Variants in KCTD16 observed in about 807,000 individuals in gnomAD.
KCTD16 encodes the protein potassium channel tetramerization domain containing 16.
KCTD16 carries 13 observed loss-of-function variants against 33.2 expected under a neutral mutation model. That is an observed-to-expected ratio of 0.39 (90% CI 0.25 to 0.62). The LOEUF (loss-of-function observed/expected upper bound fraction) is 0.62. Ranked by LOEUF, KCTD16 falls within the 20% of genes least tolerant of loss-of-function variation. The pLI is 0.50. For synonymous variants in KCTD16, 197 were observed against 195.3 expected (o/e 1.01, Z -0.07); for missense variants, 441 against 525.1 (o/e 0.84, Z 1.57).
intron 2 of KCTD16, among the ~76,000 whole-genome samples, chr5:144,205,093 G>C (rs1293552706): frequency 2.0e-5 from 3 of 152,154 alleles, no homozygotes; most frequent in African/African-American, 7.2e-5. Flanking sequence ...GATTTGCTGT[G>C]GGATGGTGAT....
chr5:144,484,478 C>G lies in KCTD16; in HGVS notation c.*10364C>G, dbSNP rs989898528. On this transcript the variant is annotated 3_prime_UTR_variant, in exon 4 of 4. Coordinates refer to ENST00000512467, the MANE Select transcript of KCTD16 (RefSeq NM_020768.4). ...AGAGCACTGGGTCGAACCTAACCCA[C>G]AAAATAATTCGTCCAAATTAAATTG... 1 of 151,926 alleles carries G rather than the reference C, an allele frequency of 6.6e-6. No homozygotes were observed. Among genetic ancestry groups the G allele is most frequent in the Non-Finnish European group, 1.5e-5 (1 of 67,920 alleles). 9.4% of individuals were successfully genotyped at this position (151,926 alleles called of 1,614,324 possible).
chr5:144,192,598 T>C (rs1247065997), intron 2 of KCTD16, among the ~76,000 whole-genome samples: 4 of 152,242 alleles, frequency 2.6e-5, no homozygotes, highest in African/African-American at 9.6e-5. Flanking sequence ...CCTTGGAAGT[T>C]AAAGCAAGCC....
At chr5:144,313,110 T>C (rs1227706866) in intron 3 of KCTD16, among the ~76,000 whole-genome samples, 1 of 152,184 alleles carries the variant, frequency 6.6e-6, no homozygotes, top group Non-Finnish European at 1.5e-5. Flanking sequence ...TTTTAGGATA[T>C]GGAGAAAGGT....
At chr5:144,340,582 C>G (rs1044996079) in intron 3 of KCTD16, among the ~76,000 whole-genome samples, 2 of 151,798 alleles carry the variant, frequency 1.3e-5, no homozygotes, top group Non-Finnish European at 1.5e-5. Context: ...AGTCTTAACC[C>G]CTAATATGAT....
chr5:144,185,475 A>G (rs1349627640), intron 2 of KCTD16, among the ~76,000 whole-genome samples: 1 of 152,158 alleles, frequency 6.6e-6, no homozygotes, highest in African/African-American at 2.4e-5. Flanking sequence ...AATGTTCCCA[A>G]ATCACATCTT....
In KCTD16 at chr5:144,417,803, C is replaced by T. The variant is rs1753102949; in HGVS notation, c.833-55857C>T. 2.0e-5 allele frequency among the ~76,000 whole-genome samples: 3 copies of T among 152,046 alleles called. No individual in the cohort carries two copies. In the South Asian group the frequency reaches 6.2e-4, roughly 32 times the overall value. ...TGTAAAGTAGGGCTCCAACTTCGTT[C>T]TTCTGCATATGGATATGCAGTTATT... On this transcript the variant is annotated intron_variant, in intron 3 of 3. Coordinates refer to ENST00000512467, the MANE Select transcript of KCTD16 (RefSeq NM_020768.4).
chr5:144,234,078 T>C (rs1313904758), intron 3 of KCTD16, among the ~76,000 whole-genome samples: 2 of 152,158 alleles, frequency 1.3e-5, no homozygotes, highest in Non-Finnish European at 2.9e-5. Flanking sequence ...TACTGTACTT[T>C]GGTTTTGTAC....
intron 3 of KCTD16, among the ~76,000 whole-genome samples, chr5:144,384,519 TC>T (rs1230458228): frequency 6.6e-6 from 1 of 152,228 alleles, no homozygotes; most frequent in Non-Finnish European, 1.5e-5. Flanking sequence ...ATTTATTTTT[TC>T]ATTATAGCGA....
At chr5:144,233,073 AT>A (rs1041799808) in intron 3 of KCTD16, among the ~76,000 whole-genome samples, 4 of 151,390 alleles carry the variant, frequency 2.6e-5, no homozygotes, top group South Asian at 4.2e-4. Flanking sequence ...AAAACATGGA[AT>A]TTTTTTTTCA....
chr5:144,304,529 G>A (rs528317818), intron 3 of KCTD16, among the ~76,000 whole-genome samples: 5 of 152,170 alleles, frequency 3.3e-5, no homozygotes, highest in African/African-American at 7.2e-5. Flanking sequence ...GCTTAATTAC[G>A]CTTCACAGAC....
chr5:144,483,974 C>T lies in KCTD16; in HGVS notation c.*9860C>T, dbSNP rs973067624. The T allele has an allele frequency of 3.3e-5, 5 of 151,846 alleles. No homozygotes were observed. The highest frequency in any genetic ancestry group is 1.9e-4 in the East Asian group (1 of 5,146). 9.4% of individuals were successfully genotyped at this position (151,846 alleles called of 1,614,324 possible). A position where few individuals can be genotyped will look rare whatever the true frequency, so the allele number is the denominator to read the frequency against. The stretch of plus-strand genomic sequence containing the variant: ...TTAGGTTTGAGGACATTTGAAGGAG[C>T]GATTGTTTTTTCCCCAAAATTTTGG... On this transcript the variant is annotated 3_prime_UTR_variant, in exon 4 of 4. Coordinates refer to ENST00000512467, the MANE Select transcript of KCTD16 (RefSeq NM_020768.4).
At chr5:144,402,585 A>C (rs747245787) in intron 3 of KCTD16, among the ~76,000 whole-genome samples, 3 of 152,202 alleles carry the variant, frequency 2.0e-5, no homozygotes, top group Admixed American at 6.5e-5. Flanking sequence ...TTTATTAGGA[A>C]TAATAAGAGT....
intron 3 of KCTD16, among the ~76,000 whole-genome samples, chr5:144,247,489 G>A (rs1027890033): frequency 6.6e-6 from 1 of 152,200 alleles, no homozygotes. Flanking sequence ...CTTTCCAGCT[G>A]TGGCTCCAAA....
At chr5:144,325,262 C>T (rs1367204191) in intron 3 of KCTD16, among the ~76,000 whole-genome samples, 2 of 152,070 alleles carry the variant, frequency 1.3e-5, no homozygotes, top group African/African-American at 4.8e-5. Flanking sequence ...TTCAAGCTAC[C>T]CTTGTCTCTT....
intron 3 of KCTD16, among the ~76,000 whole-genome samples, chr5:144,451,274 G>C (rs375553356): frequency 1.3e-5 from 2 of 152,086 alleles, no homozygotes; most frequent in South Asian, 4.1e-4. Context: ...AAAAAGTGGA[G>C]TAGTCAATTT....
chr5:144,441,371 T>A (rs1447550863), intron 3 of KCTD16, among the ~76,000 whole-genome samples: 1 of 152,170 alleles, frequency 6.6e-6, no homozygotes, highest in African/African-American at 2.4e-5. Context: ...TTTGTTTTCT[T>A]CTAAGAGTTG....
chr5:144,324,614 A>G (rs1208442302), intron 3 of KCTD16, among the ~76,000 whole-genome samples: 2 of 152,222 alleles, frequency 1.3e-5, no homozygotes, highest in African/African-American at 4.8e-5. Context: ...TATTATAAAG[A>G]TACATGCACT....
intron 3 of KCTD16, among the ~76,000 whole-genome samples, chr5:144,325,215 T>G (rs1752174576): frequency 6.6e-6 from 1 of 152,148 alleles, no homozygotes; most frequent in Non-Finnish European, 1.5e-5. Context: ...CAGACACACA[T>G]ATACACAAAT....
chr5:144,283,462 A>G (rs185836196), intron 3 of KCTD16, among the ~76,000 whole-genome samples: 4 of 152,322 alleles, frequency 2.6e-5, no homozygotes, highest in African/African-American at 7.2e-5. Context: ...ATCCCATACT[A>G]TGGACAACTC....
Sources: gnomAD v4.1 joint callset for allele counts (sites outside exome capture counted in the v4.1 genomes callset) on GRCh38, gnomAD v4.1.1 for gene constraint, MANE v1.5 for transcripts, NCBI Gene and HGNC (gene_info 2026-07-23, HGNC 2026-07-21) for gene names.